MARCHF1: variants seen among roughly 807,000 people sequenced by gnomAD.
MARCHF1 encodes membrane associated ring-CH-type finger 1, also known as E3 ubiquitin-protein ligase MARCHF1.
MARCHF1 carries 40 observed loss-of-function variants against 54.2 expected under a neutral mutation model. The ratio of observed to expected loss-of-function variants is 0.74; its 90% CI spans 0.57 to 0.96. The LOEUF is 0.96. Ranked by LOEUF, MARCHF1 falls within the 40% of genes least tolerant of loss-of-function variation. The pLI is 0.00. For missense variants in MARCHF1, 586 were observed against 656.5 expected (o/e 0.89, Z 1.17); for synonymous variants, 236 against 236.3 (o/e 1.00, Z 0.01).
Position 163,596,537 on chromosome 4 carries a change from CAAAAAAAAAAAAA to C in MARCHF1, c.1011-10621_1011-10609del, listed in dbSNP as rs142539749. Among the ~76,000 whole-genome samples, 589 of 73,788 alleles carry C rather than the reference CAAAAAAAAAAAAA, an allele frequency of 8.0e-3. 5 individuals are homozygous for C. The highest frequency in any genetic ancestry group is 0.011 in the Non-Finnish European group (418 of 39,636). The allele number at this position is 73,788 out of a possible 152,430, so 48.4% of individuals were successfully genotyped here. On this transcript the variant is annotated intron_variant, in intron 7 of 9. Transcript: ENST00000514618. The stretch of plus-strand genomic sequence containing the variant: ...CCTGGGCGACAGTGTGAGGCTGTCT[CAAAAAAAAAAAAA>C]AAAAAAAAAAAAAGAATCATCTATT...
chr4:163,786,632 C>G (rs1391173943), intron 4 of MARCHF1, among the ~76,000 whole-genome samples: 3 of 151,736 alleles, frequency 2.0e-5, no homozygotes, highest in African/African-American at 7.3e-5. Flanking sequence ...ACTTACATAT[C>G]AAAAAAAGTT....
chr4:164,045,165 C>A (rs968755178), intron 2 of MARCHF1, among the ~76,000 whole-genome samples: 6 of 151,672 alleles, frequency 4.0e-5, no homozygotes, highest in Non-Finnish European at 5.9e-5. Context: ...TAAAAAAGGG[C>A]CCTCTAAAAA....
At chr4:164,041,915 T>C (rs1283510346) in intron 2 of MARCHF1, among the ~76,000 whole-genome samples, 1 of 152,124 alleles carries the variant, frequency 6.6e-6, no homozygotes, top group Non-Finnish European at 1.5e-5. Context: ...ATGAGTATTT[T>C]AGGGGAAAAA....
chr4:164,272,294 G>A (rs1733762988), intron 1 of MARCHF1, among the ~76,000 whole-genome samples: 1 of 151,932 alleles, frequency 6.6e-6, no homozygotes, highest in South Asian at 2.1e-4. Flanking sequence ...AAACTTACAG[G>A]AGTGGACTAG....
intron 1 of MARCHF1, among the ~76,000 whole-genome samples, chr4:164,220,287 C>CAT (rs150321953): frequency 1.7e-4 from 24 of 145,362 alleles, no homozygotes; most frequent in South Asian, 8.6e-4. Context: ...TAATGGAATT[C>CAT]ATATATATAT....
chr4:164,087,612 T>C (rs566179550), intron 2 of MARCHF1, among the ~76,000 whole-genome samples: 5 of 152,278 alleles, frequency 3.3e-5, no homozygotes, highest in Non-Finnish European at 7.4e-5. Context: ...ATAAGATGAA[T>C]GTACTCTGTT....
intron 1 of MARCHF1, among the ~76,000 whole-genome samples, chr4:164,331,465 T>C (rs1735431946): frequency 6.6e-6 from 1 of 152,242 alleles, no homozygotes; most frequent in Non-Finnish European, 1.5e-5. Context: ...AATTAAATGT[T>C]GGCACTTTAA....
chr4:163,657,495 T>C (rs1743192956), intron 5 of MARCHF1, among the ~76,000 whole-genome samples: 2 of 152,146 alleles, frequency 1.3e-5, no homozygotes, highest in South Asian at 4.1e-4. Flanking sequence ...CCAAGTAATT[T>C]ATAGTTTCAA....
intron 4 of MARCHF1, among the ~76,000 whole-genome samples, chr4:163,760,805 T>C (rs1238170943): frequency 1.3e-5 from 2 of 152,228 alleles, no homozygotes; most frequent in Non-Finnish European, 2.9e-5. Context: ...TTACTAATTA[T>C]GGGTTAGCCA....
intron 1 of MARCHF1, among the ~76,000 whole-genome samples, chr4:164,221,008 A>T (rs1009212234): frequency 2.0e-5 from 3 of 151,952 alleles, no homozygotes; most frequent in Non-Finnish European, 4.4e-5. Context: ...AACGTGGAAA[A>T]CAAAGAAGGA....
intron 9 of MARCHF1, among the ~76,000 whole-genome samples, chr4:163,539,001 T>TTTA (rs1738630497): frequency 3.4e-5 from 5 of 148,990 alleles, no homozygotes; most frequent in African/African-American, 1.2e-4. Context: ...CTCCTGATGC[T>TTTA]TTTATTTATT....
chr4:164,278,403 C>T (rs965236782), intron 1 of MARCHF1, among the ~76,000 whole-genome samples: 2 of 152,158 alleles, frequency 1.3e-5, no homozygotes, highest in African/African-American at 2.4e-5. Context: ...GCTTTCTTCC[C>T]AAGTCACTAA....
chr4:164,037,148 GAC>G (rs1244554810), intron 2 of MARCHF1, among the ~76,000 whole-genome samples: 1 of 152,108 alleles, frequency 6.6e-6, no homozygotes, highest in African/African-American at 2.4e-5. Context: ...GGGTGGAAAA[GAC>G]ATGTCGAATT....
intron 3 of MARCHF1, among the ~76,000 whole-genome samples, chr4:163,929,973 A>AATATAT (rs1560823848): frequency 3.2e-5 from 4 of 125,380 alleles, no homozygotes; most frequent in Middle Eastern, 3.7e-3. Flanking sequence ...AATATATATA[A>AATATAT]TATATATAAT....
At chr4:163,831,737 T>C (rs1444976600) in intron 4 of MARCHF1, among the ~76,000 whole-genome samples, 1 of 152,100 alleles carries the variant, frequency 6.6e-6, no homozygotes, top group Non-Finnish European at 1.5e-5. Flanking sequence ...CATGACAACA[T>C]TGGAAGATAA....
rs867539581 is a variant in MARCHF1 at position 164,241,814 on chromosome 4, G to A, written c.-322-130152C>T. 2.0e-5 allele frequency among the ~76,000 whole-genome samples: 3 copies of A among 152,328 alleles called. No individual in the cohort carries two copies. In the South Asian group the frequency reaches 6.2e-4, roughly 32 times the overall value. On this transcript the variant is annotated intron_variant, in intron 1 of 9. Transcript: ENST00000514618. ...GCAGGGCGAGGCATTGCCTCACTTGGGAAGCACAAGAGGTCAGGGAGTTCC... is the reference window on the plus strand; with the variant it reads ...GCAGGGCGAGGCATTGCCTCACTTGAGAAGCACAAGAGGTCAGGGAGTTCC...
chr4:164,141,861 C>T (rs945036482), intron 1 of MARCHF1, among the ~76,000 whole-genome samples: 1 of 152,176 alleles, frequency 6.6e-6, no homozygotes, highest in African/African-American at 2.4e-5. Context: ...CAGCTCCCAG[C>T]GTGAGCAACG....
chr4:164,235,230 C>T (rs74515607), intron 1 of MARCHF1, among the ~76,000 whole-genome samples: 2,961 of 152,138 alleles, frequency 0.019, 95 homozygotes, highest in East Asian at 0.12. Context: ...TGGGAATAGT[C>T]CCCATTTCCC....
At position 164,145,071 on chromosome 4, in the gene MARCHF1, G is replaced by A. The variant is rs576861371; in HGVS notation, c.-322-33409C>T. Reference sequence around the variant, plus strand: ...CTACGCAAATAAACTAGAAAATCTAGAAGAAATGGATACATTCCTCGACAC... The same window carrying A: ...CTACGCAAATAAACTAGAAAATCTAAAAGAAATGGATACATTCCTCGACAC... On this transcript the variant is annotated intron_variant, in intron 1 of 9. Coordinates refer to ENST00000514618, the MANE Select transcript of MARCHF1 (RefSeq NM_001394959.1). Among the ~76,000 whole-genome samples, 7 of 144,736 alleles carry A rather than the reference G, an allele frequency of 4.8e-5. No homozygotes were observed. The South Asian group carries it at 1.5e-3, about 32-fold the overall frequency. 95.0% of individuals were successfully genotyped at this position (144,736 alleles called of 152,430 possible). A position where few individuals can be genotyped will look rare whatever the true frequency, so the allele number is the denominator to read the frequency against.
Sources: allele counts gnomAD v4.1 joint callset (sites outside exome capture counted in the v4.1 genomes callset), GRCh38; gene constraint gnomAD v4.1.1; transcripts MANE v1.5; gene names NCBI Gene and HGNC (gene_info 2026-07-23, HGNC 2026-07-21).